NCBP2L: variants seen among roughly 807,000 people sequenced by gnomAD.
NCBP2L encodes nuclear cap binding protein subunit 2 like.
For synonymous variants in NCBP2L, 39 were observed against 19.2 expected, an observed-to-expected ratio of 2.04 and a Z score of -2.70; for missense variants, 95 against 53.1, an observed-to-expected ratio of 1.79 and a Z score of -2.45.
intron 1 of NCBP2L, among the ~76,000 whole-genome samples, chrX:107,783,858 ATGTGTGTGTGTGTG>A (rs756413239): frequency 1.0e-5 from 1 of 96,958 alleles, no homozygotes; most frequent in Non-Finnish European, 2.1e-5. Context: ...TGGTGTGCGT[ATGTGTGTGTGTGTG>A]TGTGTGTGTG....
At chrX:107,792,500 C>T (rs1333465445) in intron 1 of NCBP2L, among the ~76,000 whole-genome samples, 4 of 112,167 alleles carry the variant, frequency 3.6e-5, no homozygotes, top group African/African-American at 1.3e-4. Flanking sequence ...CTTCCTACTT[C>T]TCTTCAAATG....
intron 1 of NCBP2L, among the ~76,000 whole-genome samples, chrX:107,782,489 C>G (rs1016465677): frequency 2.1e-5 from 2 of 95,189 alleles, no homozygotes; most frequent in Admixed American, 2.6e-4. Flanking sequence ...GAGATCTACG[C>G]TATTAGCAAA....
rs779347401 is a variant in NCBP2L at position 107,794,444 on chromosome X, A to G, written c.224A>G (p.Lys75Arg). ...RNIFMGLDKI[K>R]KTACGFCFVE... ...ATCTTTATGGGCCTGGATAAAATAA[A>G]GAAAACAGCATGTGGTTTTTGCTTT... Residue 75 changes from lysine (K) to arginine (R), a missense_variant, in exon 2 of 2, where the codon AAG becomes AGG. Coordinates refer to ENST00000509000, the MANE Select transcript of NCBP2L (RefSeq NM_001348372.2). 3 of 569,074 alleles carry G rather than the reference A, an allele frequency of 5.3e-6. No homozygotes were observed. The highest frequency in any genetic ancestry group is 4.4e-5 in the African/African-American group (2 of 44,982). The allele number at this position is 569,074 out of a possible 1,213,427, so 46.9% of individuals were successfully genotyped here.
rs1235063556 is a variant in NCBP2L, at chrX:107,781,792, C to CTA, written c.-73+3938_-73+3939dup. On this transcript the variant is annotated intron_variant, in intron 1 of 1. Coordinates refer to ENST00000509000, the MANE Select transcript of NCBP2L (RefSeq NM_001348372.2). ...TCTATATATATAGATCTATAGATAT[C>CTA]TATATTTATATATAGATATCTAGAT... Among the ~76,000 whole-genome samples, 3 of 92,314 alleles carry CTA rather than the reference C, an allele frequency of 3.2e-5. No homozygotes were observed. The East Asian group carries it at 9.8e-4, about 30-fold the overall frequency. The allele number at this position is 92,314 out of a possible 115,157, so 80.2% of individuals were successfully genotyped here.
In NCBP2L at chrX:107,779,783, C is replaced by T. The variant is rs774045193; in HGVS notation, c.-73+1925C>T. 7.4e-5 allele frequency among the ~76,000 whole-genome samples: 6 copies of T among 81,430 alleles called. No individual in the cohort carries two copies. In the South Asian group the frequency reaches 2.1e-3, roughly 29 times the overall value. The allele number at this position is 81,430 out of a possible 115,157, so 70.7% of individuals were successfully genotyped here. On this transcript the variant is annotated intron_variant, in intron 1 of 1. Coordinates refer to ENST00000509000, the MANE Select transcript of NCBP2L (RefSeq NM_001348372.2). Reference sequence around the variant, plus strand: ...TTTTTGAGACAGAGTCTCGCTCTGTCGCCCAGGCTGGAGTGCAGTGGTGCG... The same window carrying T: ...TTTTTGAGACAGAGTCTCGCTCTGTTGCCCAGGCTGGAGTGCAGTGGTGCG...
intron 1 of NCBP2L, among the ~76,000 whole-genome samples, chrX:107,788,285 G>A (rs1930409675): frequency 8.9e-6 from 1 of 111,875 alleles, no homozygotes. Flanking sequence ...GTTCATTGCA[G>A]CCTCCACATG....
chrX:107,779,502 C>T (rs1448370879), intron 1 of NCBP2L, among the ~76,000 whole-genome samples: 2 of 111,996 alleles, frequency 1.8e-5, no homozygotes, highest in African/African-American at 6.5e-5. Flanking sequence ...GATTTTAACT[C>T]ACTGCAACCT....
chrX:107,789,726 G>A (rs1930428341), intron 1 of NCBP2L, among the ~76,000 whole-genome samples: 2 of 111,270 alleles, frequency 1.8e-5, no homozygotes, highest in Admixed American at 1.9e-4. Context: ...CCTTGGCTTT[G>A]GTGATGTTGC....
chrX:107,781,472 AT>A (rs769639335), intron 1 of NCBP2L, among the ~76,000 whole-genome samples: 11,132 of 73,768 alleles, frequency 0.15, 1,432 homozygotes, highest in African/African-American at 0.41. Context: ...CGCCCGGCTA[AT>A]TTTTTTTTTT....
At chrX:107,783,449 T>G (rs1930355586) in intron 1 of NCBP2L, among the ~76,000 whole-genome samples, 1 of 104,054 alleles carries the variant, frequency 9.6e-6, no homozygotes, top group African/African-American at 3.6e-5. Flanking sequence ...CTCCGCTCAC[T>G]GCAGCTTCTG....
chrX:107,789,437 G>A (rs1930425068), intron 1 of NCBP2L, among the ~76,000 whole-genome samples: 1 of 110,276 alleles, frequency 9.1e-6, no homozygotes, highest in African/African-American at 3.3e-5. Context: ...TCCCCAACTG[G>A]CATTTGCCCT....
chrX:107,786,354 T>A (rs929947626), intron 1 of NCBP2L, among the ~76,000 whole-genome samples: 3 of 112,197 alleles, frequency 2.7e-5, no homozygotes, highest in Non-Finnish European at 5.6e-5. Flanking sequence ...GTTTTTAGCT[T>A]TAATGTACTA....
At chrX:107,784,575 A>G (rs1396751198) in intron 1 of NCBP2L, among the ~76,000 whole-genome samples, 6 of 109,983 alleles carry the variant, frequency 5.5e-5, no homozygotes, top group African/African-American at 2.0e-4. Flanking sequence ...CCCGATAACA[A>G]TCTCTGGCCC....
chrX:107,788,865 C>T (rs966921550), intron 1 of NCBP2L, among the ~76,000 whole-genome samples: 9 of 111,516 alleles, frequency 8.1e-5, no homozygotes, highest in Non-Finnish European at 1.1e-4. Context: ...CTATCATCTG[C>T]TGTACTTTAG....
At chrX:107,779,738 ATTTTT>A (rs60997776) in intron 1 of NCBP2L, among the ~76,000 whole-genome samples, 1 of 36,649 alleles carries the variant, frequency 2.7e-5, no homozygotes, top group African/African-American at 9.9e-5. Context: ...TATCCCCTGA[ATTTTT>A]TTTTTTTTTT....
rs980513113 is a variant in NCBP2L, at chrX:107,794,493, T to G, written c.273T>G (p.Asp91Glu). ...FCFVECHNRA[D>E]AENAMRFLTG... Reference sequence around the variant, plus strand: ...TTGTAGAATGCCATAACAGAGCTGATGCTGAAAATGCCATGCGGTTTCTAA... The same window carrying G: ...TTGTAGAATGCCATAACAGAGCTGAGGCTGAAAATGCCATGCGGTTTCTAA... Residue 91 changes from aspartate to glutamate, a missense_variant, in exon 2 of 2, where the codon GAT becomes GAG. Coordinates refer to ENST00000509000, the MANE Select transcript of NCBP2L (RefSeq NM_001348372.2). 1 of 568,880 alleles carries G rather than the reference T, an allele frequency of 1.8e-6. No individual in the cohort carries two copies. Among genetic ancestry groups the G allele is most frequent in the African/African-American group, 2.2e-5 (1 of 44,911 alleles). 46.9% of individuals were successfully genotyped at this position (568,880 alleles called of 1,213,427 possible).
chrX:107,785,976 T>TAA (rs199909333), intron 1 of NCBP2L, among the ~76,000 whole-genome samples: 3 of 105,124 alleles, frequency 2.9e-5, no homozygotes, highest in African/African-American at 1.0e-4. Context: ...CCTAATATAG[T>TAA]AAAAAAAAAA....
intron 1 of NCBP2L, among the ~76,000 whole-genome samples, chrX:107,792,002 C>G (rs1420639504): frequency 3.6e-5 from 4 of 112,172 alleles, no homozygotes; most frequent in African/African-American, 1.3e-4. Flanking sequence ...GTGCCTAGCT[C>G]AAGGCAGCCC....
Position 107,794,418 on chromosome X carries a change from TA to T in NCBP2L, c.199del (p.Ile67SerfsTer8), listed in dbSNP as rs751796256. 12 of 569,004 alleles carry T rather than the reference TA, an allele frequency of 2.1e-5. No homozygotes were observed. In the Admixed American group the frequency reaches 2.4e-4, roughly 12 times the overall value. 46.9% of individuals were successfully genotyped at this position (569,004 alleles called of 1,213,427 possible). ...ELFSRSDIRNIFMGLDKIKKT... is the reference protein window; with the variant it reads ...ELFSRSDIRNXFMGLDKIKKT... The stretch of plus-strand genomic sequence containing the variant: ...TCTTTAGTAGATCTGATATCAGGAA[TA>T]TCTTTATGGGCCTGGATAAAATAAA... On this transcript the variant is annotated frameshift_variant, in exon 2 of 2. Coordinates refer to ENST00000509000, the MANE Select transcript of NCBP2L (RefSeq NM_001348372.2). LOFTEE classifies it low-confidence loss of function (END_TRUNC).
Sources: gnomAD v4.1 joint callset for allele counts (sites outside exome capture counted in the v4.1 genomes callset) on GRCh38, gnomAD v4.1.1 for gene constraint, MANE v1.5 for transcripts, NCBI Gene and HGNC (gene_info 2026-07-23, HGNC 2026-07-21) for gene names.